The following ANXA4 variants were observed in gnomAD, a reference collection of about 807,000 sequenced individuals.
ANXA4 encodes the protein annexin A4.
A neutral mutation model predicts 49.8 loss-of-function variants in ANXA4; 39 were observed. That is an observed-to-expected ratio of 0.78 (90% CI 0.61 to 1.02). The LOEUF is 1.02. ANXA4 is among the 50% of genes least tolerant of loss of function. The pLI, the probability that ANXA4 is intolerant of heterozygous loss-of-function variation, is 0.00. For synonymous variants in ANXA4, 134 were observed against 152.5 expected (o/e 0.88, Z 0.89); for missense variants, 360 against 410.1 (o/e 0.88, Z 1.05).
intron 8 of ANXA4, chr2:69,815,413 G>T (rs1475751844): frequency 6.6e-6 from 1 of 152,252 alleles, no homozygotes; most frequent in East Asian, 1.9e-4. Flanking sequence ...CAATATGTGT[G>T]AGTTAAGATC....
chr2:69,817,590 G>A (rs1674055763), intron 9 of ANXA4: 4 of 152,188 alleles, frequency 2.6e-5, no homozygotes, highest in Admixed American at 2.6e-4. Flanking sequence ...GAAAATACTG[G>A]TAGCTCACAG....
chr2:69,804,314 T>G (rs1311061158), intron 3 of ANXA4, among the ~76,000 whole-genome samples: 1 of 152,034 alleles, frequency 6.6e-6, no homozygotes, highest in African/African-American at 2.4e-5. Flanking sequence ...GTTTAGAAAG[T>G]TAACCATTTT....
At chr2:69,813,844 C>A (rs1673822735) in intron 8 of ANXA4, among the ~76,000 whole-genome samples, 1 of 150,768 alleles carries the variant, frequency 6.6e-6, no homozygotes, top group South Asian at 2.1e-4. Flanking sequence ...CGCAACCTCC[C>A]CCTCCCAGGT....
intron 2 of ANXA4, among the ~76,000 whole-genome samples, chr2:69,716,812 A>G (rs147118932): frequency 8.5e-5 from 13 of 152,338 alleles, no homozygotes; most frequent in Non-Finnish European, 1.9e-4. Context: ...TGCAGTTTGA[A>G]GTAAGTATCA....
chr2:69,716,613 G>T (rs1349110280), intron 2 of ANXA4, among the ~76,000 whole-genome samples: 1 of 152,118 alleles, frequency 6.6e-6, no homozygotes. Context: ...ACATGCTCAA[G>T]CTCGTTTTGA....
chr2:69,763,071 G>A (rs922310298), intron 1 of ANXA4, among the ~76,000 whole-genome samples: 3 of 152,148 alleles, frequency 2.0e-5, no homozygotes, highest in African/African-American at 7.2e-5. Flanking sequence ...TGCTGCATCA[G>A]AAATAGTAAG....
intron 2 of ANXA4, among the ~76,000 whole-genome samples, chr2:69,687,199 T>G (rs919370780): frequency 1.3e-5 from 2 of 152,096 alleles, no homozygotes; most frequent in Non-Finnish European, 1.5e-5. Flanking sequence ...CAGATTTCTG[T>G]TCAGTATAAG....
chr2:69,741,394 T>G (rs1256758359), upstream of ANXA4, among the ~76,000 whole-genome samples: 2 of 152,158 alleles, frequency 1.3e-5, no homozygotes, highest in Middle Eastern at 3.2e-3. Flanking sequence ...TTACAAGGGA[T>G]GAGCGCCGCG....
rs1330993366 is a variant in ANXA4, at chr2:69,788,054, G to A, written c.10G>A (p.Ala4Thr). The change falls in exon 3 of 13, where the codon GCA becomes ACA. Residue 4 changes from alanine (A) to threonine (T), a missense_variant and splice_region_variant. Coordinates refer to ENST00000394295, the MANE Select transcript of ANXA4 (RefSeq NM_001153.5). Reference protein sequence around the residue: MAMATKGGTVKAAS... With the variant: MAMTTKGGTVKAAS... The stretch of plus-strand genomic sequence containing the variant: ...TAACATCACTCTCTTGTGTGCTCAG[G>A]CAACCAAAGGAGGTACTGTCAAAGC... The A allele has an allele frequency of 6.2e-7, 1 of 1,613,594 alleles. No homozygotes were observed. Among genetic ancestry groups the A allele is most frequent in the Non-Finnish European group, 8.5e-7 (1 of 1,179,620 alleles).
chr2:69,709,580 C>CT (rs1312043574), intron 2 of ANXA4, among the ~76,000 whole-genome samples: 2 of 152,200 alleles, frequency 1.3e-5, no homozygotes, highest in South Asian at 4.1e-4. Flanking sequence ...ACATCAAGAA[C>CT]TTTTGCACAT....
intron 3 of ANXA4, among the ~76,000 whole-genome samples, chr2:69,792,159 G>C (rs1185505135): frequency 6.6e-6 from 1 of 152,160 alleles, no homozygotes; most frequent in Non-Finnish European, 1.5e-5. Context: ...ACTTTGGGAA[G>C]CCTGTTAAGT....
intron 2 of ANXA4, among the ~76,000 whole-genome samples, chr2:69,717,846 G>C (rs753261326): frequency 1.4e-4 from 21 of 152,140 alleles, no homozygotes; most frequent in South Asian, 8.3e-4. Context: ...CTTTCTACCA[G>C]ATGACAGGCA....
chr2:69,752,885 C>G (rs1670904222), intron 1 of ANXA4, among the ~76,000 whole-genome samples: 1 of 152,218 alleles, frequency 6.6e-6, no homozygotes, highest in Non-Finnish European at 1.5e-5. Context: ...CCACTCAACT[C>G]CAAGCTAACT....
chr2:69,656,354 T>C (rs1475753465), intron 2 of ANXA4, among the ~76,000 whole-genome samples: 1 of 133,460 alleles, frequency 7.5e-6, no homozygotes, highest in Non-Finnish European at 1.5e-5. Flanking sequence ...TGTGTATATA[T>C]GTGTATATAT....
At chr2:69,692,174 C>T (rs548995082) in intron 2 of ANXA4, among the ~76,000 whole-genome samples, 6 of 152,260 alleles carry the variant, frequency 3.9e-5, no homozygotes, top group Non-Finnish European at 7.4e-5. Flanking sequence ...CGTGAGCCAC[C>T]GCGCCCAGAC....
chr2:69,701,729 T>C (rs927905546), intron 2 of ANXA4, among the ~76,000 whole-genome samples: 9 of 152,346 alleles, frequency 5.9e-5, no homozygotes, highest in Non-Finnish European at 1.2e-4. Context: ...ATGCTGCCAG[T>C]TTACTCCATG....
chr2:69,785,941 T>C (rs1426379633), intron 2 of ANXA4, among the ~76,000 whole-genome samples: 1 of 152,206 alleles, frequency 6.6e-6, no homozygotes, highest in African/African-American at 2.4e-5. Context: ...CCTAAGTCCC[T>C]GTTCCCTATT....
chr2:69,787,872 C>T (rs1453268885), intron 2 of ANXA4, among the ~76,000 whole-genome samples, 182 bp from the exon 3 acceptor site: 1 of 152,204 alleles, frequency 6.6e-6, no homozygotes, highest in African/African-American at 2.4e-5. Context: ...TGTCTGCCTC[C>T]CATGAGCTAG....
chr2:69,689,343 C>T (rs921220979), intron 2 of ANXA4, among the ~76,000 whole-genome samples: 1 of 152,098 alleles, frequency 6.6e-6, no homozygotes, highest in Admixed American at 6.6e-5. Flanking sequence ...CTGCCTTGAC[C>T]TCCCAAAGTG....
Sources: allele counts gnomAD v4.1 joint callset (sites outside exome capture counted in the v4.1 genomes callset), GRCh38; gene constraint gnomAD v4.1.1; transcripts MANE v1.5; gene names NCBI Gene and HGNC (gene_info 2026-07-23, HGNC 2026-07-21).